PCSK5: variants seen among roughly 807,000 people sequenced by gnomAD.
PCSK5 encodes proprotein convertase subtilisin/kexin type 5.
A neutral mutation model predicts 233.2 loss-of-function variants in PCSK5; 129 were observed. The observed-to-expected ratio is 0.55, with a 90% CI of 0.48 to 0.64. PCSK5 has a LOEUF of 0.64. Ranked by LOEUF, PCSK5 falls within the 30% of genes least tolerant of loss-of-function variation. PCSK5 has a pLI of 0.00. For synonymous variants in PCSK5, 825 were observed against 879.2 expected, an observed-to-expected ratio of 0.94 and a Z score of 1.09; for missense variants, 2,076 against 2,430.1, an observed-to-expected ratio of 0.85 and a Z score of 3.06.
intron 5 of PCSK5, among the ~76,000 whole-genome samples, chr9:76,061,272 G>A (rs969207757): frequency 3.9e-5 from 6 of 152,018 alleles, no homozygotes; most frequent in African/African-American, 1.2e-4. Flanking sequence ...CTTGGCCATT[G>A]GGTAAATCTC....
rs7850358 is a variant in PCSK5, at chr9:76,106,739, T to G, written c.1108-512T>G. 9.8e-3 allele frequency among the ~76,000 whole-genome samples: 1,496 copies of G among 152,112 alleles called. 20 individuals are homozygous for G. Among genetic ancestry groups the G allele is most frequent in the African/African-American group, 0.034 (1,426 of 41,490 alleles). Reference sequence around the variant, plus strand: ...CAGGTCCACAACCAAAGGTTCTTTCTACAGCAGAGCATACTTTTGGCTTGA... The same window carrying G: ...CAGGTCCACAACCAAAGGTTCTTTCGACAGCAGAGCATACTTTTGGCTTGA... On this transcript the variant is annotated intron_variant, in intron 8 of 37. Transcript: ENST00000674117.
In PCSK5 at chr9:76,284,120, GAA is replaced by G. The variant is rs60078778; in HGVS notation, c.3143-8102_3143-8101del. Among the ~76,000 whole-genome samples the G allele has an allele frequency of 1.7e-3, 236 of 135,894 alleles. 2 individuals are homozygous for G. The highest frequency in any genetic ancestry group is 5.6e-3 in the African/African-American group (212 of 37,854). 89.2% of individuals were successfully genotyped at this position (135,894 alleles called of 152,430 possible). A position where few individuals can be genotyped will look rare whatever the true frequency, so the allele number is the denominator to read the frequency against. On this transcript the variant is annotated intron_variant, in intron 24 of 37. Transcript: ENST00000674117. Reference sequence around the variant, plus strand: ...AAAATAATTTATTTAGGCTGCAAAAGAAAAAAAAAAAAGAACTTATGTTCATG... The same window carrying G: ...AAAATAATTTATTTAGGCTGCAAAAGAAAAAAAAAAGAACTTATGTTCATG...
At position 75,891,344 on chromosome 9, in the gene PCSK5, A is replaced by C; in HGVS notation, c.163A>C (p.Ser55Arg). 1 of 1,565,328 alleles carries C rather than the reference A, an allele frequency of 6.4e-7. No homozygotes were observed. Residue 55 changes from serine to arginine, a missense_variant, in exon 1 of 38, where the codon AGC (serine) becomes CGC (arginine). Ser to Arg is a moderately radical substitution (Grantham distance 110). Around this residue, in one of 6 missense-constraint regions of PCSK5, gnomAD observed 190 missense variants for 216.3 expected, o/e 0.88. Transcript: ENST00000674117. The stretch of plus-strand genomic sequence containing the variant: ...CTTCCCGGAGGCCAACCGTATCGCC[A>C]GCAAGTACGGATTCATCAACATAGG... The part of the protein sequence containing the change: ...GGFPEANRIA[S>R]KYGFINIGQI...
chr9:75,939,968 G>A (rs1223050521), intron 2 of PCSK5, among the ~76,000 whole-genome samples: 3 of 152,114 alleles, frequency 2.0e-5, no homozygotes, highest in Admixed American at 1.3e-4. Context: ...GTGTGGCTGC[G>A]TTTCTCACTT....
rs528975711 is a variant in PCSK5 at position 75,944,359 on chromosome 9, T to C, written c.297+11876T>C. ...GGATAGATTTGGAAGGATGCACATA[T>C]GCATAAAAATAACTCTTAACCTTTC... On this transcript the variant is annotated intron_variant, in intron 2 of 37. Transcript: ENST00000674117. 3.9e-5 allele frequency among the ~76,000 whole-genome samples: 6 copies of C among 152,190 alleles called. No individual in the cohort carries two copies. In the East Asian group the frequency reaches 1.2e-3, roughly 29 times the overall value.
At chr9:76,184,344 C>T (rs959986297) in intron 16 of PCSK5, among the ~76,000 whole-genome samples, 7 of 148,990 alleles carry the variant, frequency 4.7e-5, no homozygotes, top group African/African-American at 2.5e-5. Flanking sequence ...TGCACTGTTG[C>T]AAGTTAGGAA....
At chr9:76,070,125 C>G (rs905318766) in intron 6 of PCSK5, among the ~76,000 whole-genome samples, 21 of 151,706 alleles carry the variant, frequency 1.4e-4, no homozygotes, top group African/African-American at 4.8e-4. Flanking sequence ...CTCAGCCTCC[C>G]GAGTAGCTGG....
At chr9:76,302,914 T>C (rs1162266146) in intron 28 of PCSK5, among the ~76,000 whole-genome samples, 1 of 151,318 alleles carries the variant, frequency 6.6e-6, no homozygotes, top group Admixed American at 6.6e-5. Context: ...TTAGCTACAG[T>C]CATTTCTGAA....
At chr9:76,045,596 T>G (rs968976496) in intron 5 of PCSK5, among the ~76,000 whole-genome samples, 2 of 152,250 alleles carry the variant, frequency 1.3e-5, no homozygotes, top group African/African-American at 2.4e-5. Context: ...TTTATGATTG[T>G]CTGAGCTATT....
chr9:76,156,900 A>G (rs192096696), intron 10 of PCSK5, 145 bp from the exon 11 acceptor site: 74 of 661,496 alleles, frequency 1.1e-4, no homozygotes, highest in Admixed American at 4.7e-4. Context: ...ATGACTATGT[A>G]TTTGTTTTGC....
At chr9:75,909,773 A>G (rs1485514412) in intron 1 of PCSK5, among the ~76,000 whole-genome samples, 1 of 152,222 alleles carries the variant, frequency 6.6e-6, no homozygotes, top group East Asian at 1.9e-4. Context: ...GAGTAAATAA[A>G]GCCCGCAGCA....
chr9:75,958,615 A>T (rs1279420714), intron 2 of PCSK5, among the ~76,000 whole-genome samples: 2 of 152,154 alleles, frequency 1.3e-5, no homozygotes, highest in Non-Finnish European at 2.9e-5. Flanking sequence ...CTGTGAGATA[A>T]TGCACAAAGA....
intron 20 of PCSK5, among the ~76,000 whole-genome samples, chr9:76,204,308 A>G (rs2131274464): frequency 6.6e-6 from 1 of 152,224 alleles, no homozygotes; most frequent in East Asian, 1.9e-4. Flanking sequence ...CAAAATGCAA[A>G]TCTAATCACA....
intron 29 of PCSK5, among the ~76,000 whole-genome samples, chr9:76,309,471 A>G (rs1175929339): frequency 1.3e-5 from 2 of 152,178 alleles, no homozygotes; most frequent in African/African-American, 4.8e-5. Context: ...AAGCAGGAGG[A>G]TCACTTGAGG....
In PCSK5 at chr9:75,910,722, A is replaced by G. The variant is rs540738236; in HGVS notation, c.192+19349A>G. Among the ~76,000 whole-genome samples, 4 of 152,264 alleles carry G rather than the reference A, an allele frequency of 2.6e-5. 1 individual carries two copies. Among genetic ancestry groups the G allele is most frequent in the South Asian group, 4.1e-4 (2 of 4,828 alleles). On this transcript the variant is annotated intron_variant, in intron 1 of 37. Transcript: ENST00000674117. ...TAGAGAACTCTCTTTCTGCTTGCCA[A>G]TAGCACTTGCTTGTGCCTTCGCTGA... is the stretch of plus-strand genomic sequence containing the variant.
intron 5 of PCSK5, among the ~76,000 whole-genome samples, chr9:76,040,387 C>CTG (rs1554677241): frequency 2.0e-4 from 8 of 39,056 alleles, no homozygotes; most frequent in African/African-American, 9.3e-4. Flanking sequence ...CTCTCTCTGT[C>CTG]TCTCTCTCTC....
intron 2 of PCSK5, among the ~76,000 whole-genome samples, chr9:75,935,711 A>T (rs1007814128): frequency 6.6e-6 from 1 of 152,110 alleles, no homozygotes; most frequent in Admixed American, 6.6e-5. Flanking sequence ...TTTAACAAGT[A>T]CAAGCCAGTT....
At chr9:76,153,660 C>G (rs1261801365) in intron 10 of PCSK5, among the ~76,000 whole-genome samples, 2 of 152,206 alleles carry the variant, frequency 1.3e-5, no homozygotes, top group Admixed American at 1.3e-4. Flanking sequence ...AATATTGGCT[C>G]TATCCTTGAG....
intron 3 of PCSK5, among the ~76,000 whole-genome samples, chr9:76,014,991 A>G (rs1027182209): frequency 2.0e-5 from 3 of 152,204 alleles, no homozygotes; most frequent in Non-Finnish European, 4.4e-5. Context: ...ACAGAGATTT[A>G]TCATGAAGGA....
Sources: gnomAD v4.1 joint callset for allele counts (sites outside exome capture counted in the v4.1 genomes callset) on GRCh38, gnomAD v4.1.1 for gene constraint, gnomAD v4.1.1 regional missense constraint, MANE v1.5 for transcripts, NCBI Gene and HGNC (gene_info 2026-07-23, HGNC 2026-07-21) for gene names.